RARB: variants seen among roughly 807,000 people sequenced by gnomAD.
RARB encodes the protein HBV-activated protein.
In RARB, 17 loss-of-function variants were observed where a neutral mutation model predicts 51.9. The observed-to-expected ratio is 0.33, with a 90% CI of 0.22 to 0.49. The LOEUF (loss-of-function observed/expected upper bound fraction) is 0.49. RARB is among the 20% of genes least tolerant of loss of function. The probability of loss-of-function intolerance (pLI) is 0.99; values close to 1 mark genes in which losing one functional copy is unlikely to be tolerated. For missense variants in RARB, 369 were observed against 550.8 expected, an observed-to-expected ratio of 0.67 and a Z score of 3.30; for synonymous variants, 215 against 195.4, an observed-to-expected ratio of 1.10 and a Z score of -0.84.
intron 2 of RARB, among the ~76,000 whole-genome samples, chr3:24,872,238 C>T (rs1017213356): frequency 6.6e-6 from 1 of 152,162 alleles, no homozygotes; most frequent in African/African-American, 2.4e-5. Flanking sequence ...CACACGGTGG[C>T]AGCCTCACTG....
At chr3:25,143,800 TG>T (rs1314762000) in intron 4 of RARB, among the ~76,000 whole-genome samples, 5 of 152,174 alleles carry the variant, frequency 3.3e-5, no homozygotes, top group African/African-American at 1.2e-4. Context: ...TGAACTTCTT[TG>T]GGTCTCCAAT....
In RARB at chr3:24,927,048, G is replaced by C. The variant is rs146868174; in HGVS notation, c.-380+68296G>C. On this transcript the variant is annotated intron_variant, in intron 2 of 11. Transcript: ENST00000383772. ...AATGGTTTCCTGTCATCTATCCCTA[G>C]TTAGTAAGGCAGCATGGCAGCTTGA... Among the ~76,000 whole-genome samples, 406 of 152,158 alleles carry C rather than the reference G, an allele frequency of 2.7e-3. 1 individual carries two copies. Among genetic ancestry groups the C allele is most frequent in the African/African-American group, 9.4e-3 (390 of 41,538 alleles).
At chr3:25,461,889 T>C (rs1309273879) in intron 2 of RARB, among the ~76,000 whole-genome samples, 2 of 152,238 alleles carry the variant, frequency 1.3e-5, no homozygotes, top group Non-Finnish European at 2.9e-5. Flanking sequence ...CGAGACTTTG[T>C]CTCAAAAACC....
chr3:25,131,829 C>A (rs768419344), intron 3 of RARB, among the ~76,000 whole-genome samples: 1 of 151,378 alleles, frequency 6.6e-6, no homozygotes, highest in Non-Finnish European at 1.5e-5. Context: ...TTAAGGGCAA[C>A]AAAATACCAA....
At chr3:25,408,338 T>C (rs182967113) in intron 5 of RARB, among the ~76,000 whole-genome samples, 10 of 152,108 alleles carry the variant, frequency 6.6e-5, no homozygotes, top group Admixed American at 6.5e-4. Flanking sequence ...CTTACAATCA[T>C]GGTGAAAGAC....
chr3:25,051,146 T>C (rs1029967117), intron 2 of RARB, among the ~76,000 whole-genome samples: 7 of 152,148 alleles, frequency 4.6e-5, no homozygotes, highest in Non-Finnish European at 8.8e-5. Context: ...AGGAGTAGAA[T>C]TGTAAGTGAA....
At chr3:25,311,472 C>A (rs1026009564) in intron 5 of RARB, among the ~76,000 whole-genome samples, 1 of 152,210 alleles carries the variant, frequency 6.6e-6, no homozygotes, top group African/African-American at 2.4e-5. Flanking sequence ...AAATCTGGAC[C>A]TTTTCCTTTT....
chr3:25,335,607 A>C (rs1705040230), intron 5 of RARB, among the ~76,000 whole-genome samples: 1 of 152,186 alleles, frequency 6.6e-6, no homozygotes, highest in African/African-American at 2.4e-5. Context: ...TGCTAACAGC[A>C]TTCACCCCAT....
At chr3:25,444,426 C>T (rs549088078) in intron 1 of RARB, among the ~76,000 whole-genome samples, 10 of 152,326 alleles carry the variant, frequency 6.6e-5, no homozygotes, top group African/African-American at 1.9e-4. Context: ...ACAAAATGGG[C>T]AGTTCTTCTA....
chr3:25,179,034 C>G (rs750615689), intron 5 of RARB, among the ~76,000 whole-genome samples: 1 of 152,126 alleles, frequency 6.6e-6, no homozygotes, highest in South Asian at 2.1e-4. Context: ...AATGCGAATT[C>G]TTTTCCCCTT....
intron 5 of RARB, among the ~76,000 whole-genome samples, chr3:25,301,544 T>G (rs1016380682): frequency 3.9e-5 from 6 of 152,234 alleles, no homozygotes; most frequent in Admixed American, 3.9e-4. Flanking sequence ...GGATATGTAC[T>G]TGTTAATTAT....
intron 5 of RARB, among the ~76,000 whole-genome samples, chr3:25,242,155 T>G (rs547905576): frequency 6.9e-6 from 1 of 145,960 alleles, no homozygotes; most frequent in East Asian, 1.9e-4. Flanking sequence ...TTCAATGAGG[T>G]TTTTTTTTCT....
intron 2 of RARB, among the ~76,000 whole-genome samples, chr3:25,050,735 G>A (rs1200015936): frequency 6.6e-6 from 1 of 152,052 alleles, no homozygotes; most frequent in Non-Finnish European, 1.5e-5. Context: ...TCACATTTGT[G>A]TGCTCATTCT....
chr3:25,568,398 AG>A (rs1355410572), intron 3 of RARB, among the ~76,000 whole-genome samples: 1 of 152,172 alleles, frequency 6.6e-6, no homozygotes, highest in Non-Finnish European at 1.5e-5. Flanking sequence ...ACCATGTTCA[AG>A]GGACTCAAAA....
At chr3:25,333,971 C>T (rs1178737072) in intron 5 of RARB, among the ~76,000 whole-genome samples, 1 of 152,158 alleles carries the variant, frequency 6.6e-6, no homozygotes, top group Non-Finnish European at 1.5e-5. Context: ...ATCAAAACCA[C>T]AATGAGATAC....
intron 3 of RARB, among the ~76,000 whole-genome samples, chr3:25,104,613 C>T (rs1420784157): frequency 6.6e-6 from 1 of 152,052 alleles, no homozygotes; most frequent in Admixed American, 6.6e-5. Context: ...CACTGCACTC[C>T]AGCTTGGGTG....
chr3:25,195,343 C>T (rs1360734937), intron 5 of RARB, among the ~76,000 whole-genome samples: 4 of 151,878 alleles, frequency 2.6e-5, no homozygotes, highest in African/African-American at 7.3e-5. Flanking sequence ...CAGAAAGTTT[C>T]GTATAGTTAT....
At chr3:24,848,485 C>T (rs923186098) in intron 1 of RARB, among the ~76,000 whole-genome samples, 2 of 152,196 alleles carry the variant, frequency 1.3e-5, no homozygotes, top group Non-Finnish European at 2.9e-5. Context: ...CTATTGACTT[C>T]TCAGTTCCTG....
intron 5 of RARB, among the ~76,000 whole-genome samples, chr3:25,411,062 T>C (rs1255204852): frequency 1.3e-5 from 2 of 152,282 alleles, no homozygotes; most frequent in Non-Finnish European, 2.9e-5. Flanking sequence ...GTAAATACTT[T>C]GTAACATATC....
Sources: gnomAD v4.1 joint callset for allele counts (sites outside exome capture counted in the v4.1 genomes callset) on GRCh38, gnomAD v4.1.1 for gene constraint, MANE v1.5 for transcripts, NCBI Gene and HGNC (gene_info 2026-07-23, HGNC 2026-07-21) for gene names.